STKLD1: variants seen among roughly 807,000 people sequenced by gnomAD.
The protein encoded by STKLD1 is serine/threonine kinase like domain containing 1.
Under a neutral mutation model 80.4 loss-of-function variants are expected in STKLD1, and 79 were observed. The observed-to-expected ratio is 0.98, with a 90% CI of 0.82 to 1.19. The LOEUF is 1.19. Among genes scored for constraint, STKLD1 ranks in the 50% most tolerant of loss-of-function variants. The probability of loss-of-function intolerance (pLI) is 0.00; values close to 1 mark genes in which losing one functional copy is unlikely to be tolerated. For missense variants in STKLD1, 841 were observed against 856.0 expected, an observed-to-expected ratio of 0.98 and a Z score of 0.22; for synonymous variants, 393 against 357.6, an observed-to-expected ratio of 1.10 and a Z score of -1.12.
chr9:133,392,667 G>A (rs1588747010), intron 7 of STKLD1, among the ~76,000 whole-genome samples: 9 of 127,968 alleles, frequency 7.0e-5, no homozygotes, highest in South Asian at 2.7e-4. Flanking sequence ...GGATGGGTGG[G>A]TGGGTGAGTG....
At chr9:133,391,844 A>G (rs1838404993) in intron 7 of STKLD1, among the ~76,000 whole-genome samples, 1 of 150,034 alleles carries the variant, frequency 6.7e-6, no homozygotes, top group Non-Finnish European at 1.5e-5. Context: ...GATCAATTAA[A>G]AAAAAAAAAA....
At chr9:133,400,601 C>T in intron 12 of STKLD1, 72 bp downstream of exon 12, 1 of 1,290,502 alleles carries the variant, frequency 7.7e-7, no homozygotes, top group African/African-American at 1.4e-5. Context: ...CCTCCTGGGC[C>T]AAGGTGGGCA....
At chr9:133,378,294 C>A (rs1431567677) in intron 1 of STKLD1, among the ~76,000 whole-genome samples, 1 of 152,188 alleles carries the variant, frequency 6.6e-6, no homozygotes, top group Non-Finnish European at 1.5e-5. Flanking sequence ...CCTCATATCT[C>A]CTCCTCTGGG....
intron 7 of STKLD1, among the ~76,000 whole-genome samples, chr9:133,392,163 G>A (rs1408300441): frequency 6.7e-6 from 1 of 148,164 alleles, no homozygotes; most frequent in Non-Finnish European, 1.5e-5. Context: ...TGCAAGCTCC[G>A]CCTACCGGGT....
chr9:133,405,061 C>T, intron 17 of STKLD1, 132 bp downstream of exon 17: 2 of 1,400,726 alleles, frequency 1.4e-6, no homozygotes, highest in Admixed American at 2.3e-5. Flanking sequence ...TTAAACTTCC[C>T]ACTCATTTGG....
Position 133,389,517 on chromosome 9 carries a change from C to G in STKLD1, c.397-9C>G, listed in dbSNP as rs1296397559. 1 of 1,612,946 alleles carries G rather than the reference C, an allele frequency of 6.2e-7. No individual in the cohort carries two copies. Among genetic ancestry groups the G allele is most frequent in the Non-Finnish European group, 8.5e-7 (1 of 1,179,868 alleles). On this transcript the variant is annotated splice_polypyrimidine_tract_variant and intron_variant, in intron 5 of 17. Coordinates refer to ENST00000371957, the MANE Select transcript of STKLD1 (RefSeq NM_153710.5). The surrounding 1 kb of genome is among the most constrained non-coding windows in gnomAD (Gnocchi z 6.4). Reference sequence around the variant, plus strand: ...CCTCCCATCCTGGCACCCCCTACTTCTCCCCCAGTGGATGCAGAATGTGCT... The same window carrying G: ...CCTCCCATCCTGGCACCCCCTACTTGTCCCCCAGTGGATGCAGAATGTGCT...
chr9:133,383,726 T>C, intron 2 of STKLD1, 130 bp from the exon 3 acceptor site: 1 of 792,100 alleles, frequency 1.3e-6, no homozygotes, highest in East Asian at 2.5e-5. Flanking sequence ...GTGGTAATGA[T>C]GGTGATGGTT....
At position 133,403,005 on chromosome 9, in the gene STKLD1, G is replaced by A. The variant is rs1564385332; in HGVS notation, c.1467G>A (p.Leu489=). The A allele has an allele frequency of 6.4e-7, 1 of 1,567,202 alleles. No homozygotes were observed. Among genetic ancestry groups the A allele is most frequent in the South Asian group, 1.2e-5 (1 of 85,188 alleles). ...ASGLGLLWAL[L]LDGIIVNKAP... is the part of the protein sequence containing the mutation. The stretch of plus-strand genomic sequence containing the variant: ...GCCTGGGCCTGCTCTGGGCCCTCCT[G>A]CTGGACGGTGAGGGGCCCTCCTCCT... The change falls in exon 14 of 18, where the codon CTG becomes CTA. Residue 489 remains leucine, a synonymous_variant. Transcript: ENST00000371957.
rs936714620 is a variant in STKLD1 at position 133,395,868 on chromosome 9, T to C, written c.866+105T>C. 1.0e-5 allele frequency: 12 copies of C among 1,160,234 alleles called. No individual in the cohort carries two copies. In the African/African-American group the frequency reaches 1.1e-4, roughly 10 times the overall value. The allele number at this position is 1,160,234 out of a possible 1,614,324, so 71.9% of individuals were successfully genotyped here. On this transcript the variant is annotated intron_variant, in intron 9 of 17. Coordinates refer to ENST00000371957, the MANE Select transcript of STKLD1 (RefSeq NM_153710.5). ...TTGGCTTTGTAACGCCTCAAAGAAC[T>C]CCATCACAGATGCCCTGATTATCCC...
At position 133,379,024 on chromosome 9, in the gene STKLD1, C is replaced by T. The variant is rs1412510336; in HGVS notation, c.88-12C>T. ...TGCATTTCCTGAAAGCTTCTCTCTT[C>T]CTTGCTGATAGGTTTTGTACCAGCT... On this transcript the variant is annotated splice_polypyrimidine_tract_variant and intron_variant, in intron 1 of 17. Coordinates refer to ENST00000371957, the MANE Select transcript of STKLD1 (RefSeq NM_153710.5). The T allele has an allele frequency of 6.2e-7, 1 of 1,611,190 alleles. No individual in the cohort carries two copies. The highest frequency in any genetic ancestry group is 1.3e-5 in the African/African-American group (1 of 74,704).
chr9:133,401,060 T>C (rs28494844), intron 12 of STKLD1, among the ~76,000 whole-genome samples: 17,857 of 152,062 alleles, frequency 0.12, 1,386 homozygotes, highest in African/African-American at 0.22. Context: ...GCTGAGAGAT[T>C]GAGCCTCCTA....
intron 5 of STKLD1, 121 bp downstream of exon 5, chr9:133,387,669 T>A: frequency 1.3e-6 from 1 of 784,354 alleles, no homozygotes. Context: ...GTTTTTTTCT[T>A]AAATGTGTGC....
intron 14 of STKLD1, among the ~76,000 whole-genome samples, chr9:133,403,451 C>T (rs947568468): frequency 6.6e-6 from 1 of 152,122 alleles, no homozygotes; most frequent in Non-Finnish European, 1.5e-5. Context: ...TCCAGCGCCC[C>T]AGGAAAAAGA....
chr9:133,392,603 G>GGGTGGA (rs1838428026), intron 7 of STKLD1, among the ~76,000 whole-genome samples: 1 of 36,512 alleles, frequency 2.7e-5, no homozygotes, highest in Non-Finnish European at 4.9e-5. Context: ...GGATGGATGG[G>GGGTGGA]TGGATGGATG....
chr9:133,401,183 C>T (rs980766667), intron 12 of STKLD1, among the ~76,000 whole-genome samples: 2 of 149,974 alleles, frequency 1.3e-5, no homozygotes, highest in Middle Eastern at 3.4e-3. Flanking sequence ...GCTCGTCACC[C>T]AGGCGAGTGC....
At position 133,398,004 on chromosome 9, in the gene STKLD1, G is replaced by C; in HGVS notation, c.1030G>C (p.Val344Leu). 6.2e-7 allele frequency: 1 copy of C among 1,613,624 alleles called. No homozygotes were observed. Among genetic ancestry groups the C allele is most frequent in the South Asian group, 1.1e-5 (1 of 91,050 alleles). Residue 344 changes from valine to leucine, a missense_variant, in exon 11 of 18, where the codon GTC becomes CTC. Physicochemically the swap from Val to Leu is conservative, Grantham distance 32. Coordinates refer to ENST00000371957, the MANE Select transcript of STKLD1 (RefSeq NM_153710.5). ...VMQKFSGWPE[V>L]QLRAMKRLLK... The stretch of plus-strand genomic sequence containing the variant: ...GCAGAAATTCTCTGGCTGGCCCGAA[G>C]TCCAGCTCAGGGCCATGAAGAGGCT...
At chr9:133,387,868 C>G (rs2130281186) in intron 5 of STKLD1, 1 of 498,992 alleles carries the variant, frequency 2.0e-6, no homozygotes, top group South Asian at 1.5e-5. Context: ...CGGCATGCTG[C>G]CACTCCTGTC....
rs1281813456 is a variant in STKLD1, at chr9:133,396,070, A to AT, written c.866+309dup. On this transcript the variant is annotated intron_variant, in intron 9 of 17. Coordinates refer to ENST00000371957, the MANE Select transcript of STKLD1 (RefSeq NM_153710.5). ...GTTTTCATTCTACATAAAAAAAAAA[A>AT]TTCCTAAAGACAATGGTCACCTTTA... 6 of 212,138 alleles carry AT rather than the reference A, an allele frequency of 2.8e-5. No individual in the cohort carries two copies. In the East Asian group the frequency reaches 5.8e-4, roughly 21 times the overall value. The allele number at this position is 212,138 out of a possible 1,614,324, so 13.1% of individuals were successfully genotyped here.
rs1381217740 is a variant in STKLD1 at position 133,390,832 on chromosome 9, T to A, written c.583+36T>A. 2.6e-6 allele frequency: 4 copies of A among 1,561,794 alleles called. No individual in the cohort carries two copies. In the Admixed American group the frequency reaches 5.0e-5, roughly 20 times the overall value. On this transcript the variant is annotated intron_variant, in intron 7 of 17. Transcript: ENST00000371957. This position sits in a 1 kb window ranked among gnomAD's most constrained non-coding sequence, Gnocchi z 5.1. ...CTCCCCCAGGTTGTGGGAGAGGGGG[T>A]TGGCGCCTAGAATCCAGGCGGCGTT... is the stretch of plus-strand genomic sequence containing the variant.
Sources: allele counts gnomAD v4.1 joint callset (sites outside exome capture counted in the v4.1 genomes callset), GRCh38; gene constraint gnomAD v4.1.1; non-coding constraint Gnocchi (gnomAD v3.1); transcripts MANE v1.5; gene names NCBI Gene and HGNC (gene_info 2026-07-23, HGNC 2026-07-21).